The following SLC2A1 variants were observed in gnomAD, a reference collection of about 807,000 sequenced individuals.
SLC2A1 encodes solute carrier family 2, facilitated glucose transporter member 1.
Under a neutral mutation model 46.6 loss-of-function variants are expected in SLC2A1, and 4 were observed. That is an observed-to-expected ratio of 0.09 (90% CI 0.04 to 0.20). The LOEUF (loss-of-function observed/expected upper bound fraction) is 0.20. SLC2A1 is among the 10% of genes least tolerant of loss of function. The pLI, the probability that SLC2A1 is intolerant of heterozygous loss-of-function variation, is 1.00. For synonymous variants in SLC2A1, 253 were observed against 270.0 expected, an observed-to-expected ratio of 0.94 and a Z score of 0.62; for missense variants, 352 against 667.0, an observed-to-expected ratio of 0.53 and a Z score of 5.20.
In SLC2A1 at chr1:42,931,128, A is replaced by AGAGCGTGGT; in HGVS notation, c.184_192dup (p.Thr62_Leu64dup). 6.2e-7 allele frequency: 1 copy of AGAGCGTGGT among 1,614,212 alleles called. No homozygotes were observed. The highest frequency in any genetic ancestry group is 1.1e-5 in the South Asian group (1 of 91,088). Reference sequence around the variant, plus strand: ...GAAAAGATGGCCACTGAGAGGGACCAGAGCGTGGTGAGCGTGGTGGGCAGG... The same window carrying AGAGCGTGGT: ...GAAAAGATGGCCACTGAGAGGGACCAGAGCGTGGTGAGCGTGGTGAGCGTGGTGGGCAGG... On this transcript the variant is annotated inframe_insertion, in exon 3 of 10. Transcript: ENST00000426263.
At chr1:42,928,508 T>TA (rs2124447514) in intron 8 of SLC2A1, among the ~76,000 whole-genome samples, 1 of 152,134 alleles carries the variant, frequency 6.6e-6, no homozygotes, top group South Asian at 2.1e-4. Flanking sequence ...TCCTCCCCCA[T>TA]AAAATGGGAA....
In SLC2A1 at chr1:42,934,738, G is replaced by A. The variant is rs886496346; in HGVS notation, c.115-3532C>T. ...TCATGTGTGAGGTGAGACCTGGCAC[G>A]TGCCTGTTCTGAACGCTCCCACCTC... is the stretch of plus-strand genomic sequence containing the variant. On this transcript the variant is annotated intron_variant, in intron 2 of 9. Coordinates refer to ENST00000426263, the MANE Select transcript of SLC2A1 (RefSeq NM_006516.4). 6.6e-5 allele frequency among the ~76,000 whole-genome samples: 10 copies of A among 152,228 alleles called. No homozygotes were observed. The East Asian group carries it at 1.4e-3, about 21-fold the overall frequency.
chr1:42,930,939 C>T lies in SLC2A1; in HGVS notation c.276-73G>A. On this transcript the variant is annotated intron_variant, in intron 3 of 9. Coordinates refer to ENST00000426263, the MANE Select transcript of SLC2A1 (RefSeq NM_006516.4). This position sits in a 1 kb window ranked among gnomAD's most constrained non-coding sequence, Gnocchi z 6.2. ...CCGAGGGGCTGGGTCAGAGGTAATACCCTGGAACAGGCAGATAAGTCTCCC... is the reference window on the plus strand; with the variant it reads ...CCGAGGGGCTGGGTCAGAGGTAATATCCTGGAACAGGCAGATAAGTCTCCC... 6.2e-7 allele frequency: 1 copy of T among 1,606,388 alleles called. No individual in the cohort carries two copies. Among genetic ancestry groups the T allele is most frequent in the Non-Finnish European group, 8.5e-7 (1 of 1,178,824 alleles).
intron 1 of SLC2A1, among the ~76,000 whole-genome samples, chr1:42,953,023 C>A (rs1428716815): frequency 6.6e-6 from 1 of 152,236 alleles, no homozygotes; most frequent in Non-Finnish European, 1.5e-5. Context: ...AGAAGTGTGG[C>A]TGGCCTAAGG....
chr1:42,929,105 C>A lies in SLC2A1; in HGVS notation c.973-72G>T. ...TGAACCCACCCACCCAGAGGCCTTG[C>A]CTCAAGAGCTGAGAAAGTCACAGGG... On this transcript the variant is annotated intron_variant, in intron 7 of 9. Transcript: ENST00000426263. The surrounding 1 kb of genome is among the most constrained non-coding windows in gnomAD (Gnocchi z 6.0). 4 of 1,567,674 alleles carry A rather than the reference C, an allele frequency of 2.6e-6. No individual in the cohort carries two copies. Among genetic ancestry groups the A allele is most frequent in the Non-Finnish European group, 3.5e-6 (4 of 1,138,764 alleles).
chr1:42,936,125 C>A (rs1643540094), intron 2 of SLC2A1, among the ~76,000 whole-genome samples: 2 of 152,132 alleles, frequency 1.3e-5, no homozygotes, highest in South Asian at 4.1e-4. Context: ...TCTAGACATT[C>A]CTTTACCCCA....
At chr1:42,934,268 C>G (rs1643520755) in intron 2 of SLC2A1, among the ~76,000 whole-genome samples, 3 of 152,146 alleles carry the variant, frequency 2.0e-5, no homozygotes, top group Non-Finnish European at 4.4e-5. Context: ...TGCCTAGCTG[C>G]TCTGTTACTC....
intron 2 of SLC2A1, among the ~76,000 whole-genome samples, chr1:42,936,670 G>A (rs936584540): frequency 2.6e-5 from 4 of 152,234 alleles, no homozygotes; most frequent in African/African-American, 4.8e-5. Context: ...CAGGCCTCCC[G>A]GTAGACAGAG....
chr1:42,941,707 G>A (rs935547105), intron 2 of SLC2A1, among the ~76,000 whole-genome samples: 10 of 152,214 alleles, frequency 6.6e-5, no homozygotes, highest in African/African-American at 2.4e-4. Context: ...GTGCAACCAA[G>A]TGGAGAGCTC....
chr1:42,944,492 T>C (rs781352776), intron 1 of SLC2A1, among the ~76,000 whole-genome samples: 14 of 152,204 alleles, frequency 9.2e-5, no homozygotes, highest in Admixed American at 2.0e-4. Flanking sequence ...GAGCTGGCCA[T>C]GGCCTGGCTG....
At chr1:42,946,863 C>T (rs1369943657) in intron 1 of SLC2A1, among the ~76,000 whole-genome samples, 1 of 152,158 alleles carries the variant, frequency 6.6e-6, no homozygotes, top group Non-Finnish European at 1.5e-5. Context: ...GGAAGCAGAC[C>T]CACGTTTAAA....
At chr1:42,948,618 C>T (rs1198281784) in intron 1 of SLC2A1, among the ~76,000 whole-genome samples, 1 of 152,166 alleles carries the variant, frequency 6.6e-6, no homozygotes, top group African/African-American at 2.4e-5. Context: ...TTTAAATGAA[C>T]TTCTGGGCAT....
rs1020848521 is a variant in SLC2A1 at position 42,926,173 on chromosome 1, T to C, written c.*868A>G. The C allele has an allele frequency of 6.6e-6, 1 of 152,670 alleles. No homozygotes were observed. The highest frequency in any genetic ancestry group is 1.5e-5 in the Non-Finnish European group (1 of 68,066). 9.5% of individuals were successfully genotyped at this position (152,670 alleles called of 1,614,324 possible). A position where few individuals can be genotyped will look rare whatever the true frequency, so the allele number is the denominator to read the frequency against. ...AAACCATGTTTCTAAAAACCAGCCA[T>C]TTATATCTGTTTAGGTAAGTAACAG... On this transcript the variant is annotated 3_prime_UTR_variant, in exon 10 of 10. Transcript: ENST00000426263.
chr1:42,932,396 G>A (rs2124452161), intron 2 of SLC2A1, among the ~76,000 whole-genome samples: 2 of 152,094 alleles, frequency 1.3e-5, no homozygotes, highest in East Asian at 3.9e-4. Flanking sequence ...ATAGCAGAGT[G>A]CAGGCCCTAG....
At chr1:42,932,225 G>A (rs964480730) in intron 2 of SLC2A1, among the ~76,000 whole-genome samples, 2 of 152,136 alleles carry the variant, frequency 1.3e-5, no homozygotes, top group African/African-American at 4.8e-5. Flanking sequence ...AGCAGTTCCA[G>A]GAACTGGAAA....
chr1:42,941,194 T>G (rs1643594337), intron 2 of SLC2A1, among the ~76,000 whole-genome samples: 1 of 152,208 alleles, frequency 6.6e-6, no homozygotes, highest in Admixed American at 6.5e-5. Context: ...AATGCAAGTC[T>G]GATCACGTCT....
In SLC2A1 at chr1:42,926,709, C is replaced by T; in HGVS notation, c.*332G>A. On this transcript the variant is annotated 3_prime_UTR_variant, in exon 10 of 10. Transcript: ENST00000426263. ...GGCAAGTGTCTCGACAGGGCTTAGT[C>T]TCCACCCTCAGGCATGGAACCATTC... is the stretch of plus-strand genomic sequence containing the variant. 7.4e-7 allele frequency: 1 copy of T among 1,358,556 alleles called. No individual in the cohort carries two copies. Among genetic ancestry groups the T allele is most frequent in the Non-Finnish European group, 9.7e-7 (1 of 1,034,666 alleles). The allele number at this position is 1,358,556 out of a possible 1,614,324, so 84.2% of individuals were successfully genotyped here.
intron 1 of SLC2A1, among the ~76,000 whole-genome samples, chr1:42,945,916 A>G (rs1643650737): frequency 1.3e-5 from 2 of 152,198 alleles, no homozygotes; most frequent in South Asian, 4.1e-4. Flanking sequence ...AATAATTTTT[A>G]CAAGCCCTGT....
chr1:42,941,921 G>T (rs896873727), intron 2 of SLC2A1, among the ~76,000 whole-genome samples: 1 of 152,262 alleles, frequency 6.6e-6, no homozygotes, highest in African/African-American at 2.4e-5. Flanking sequence ...CCCTGCAGCT[G>T]AGCATGACTC....
Sources: gnomAD v4.1 joint callset for allele counts (sites outside exome capture counted in the v4.1 genomes callset) on GRCh38, gnomAD v4.1.1 for gene constraint, Gnocchi (gnomAD v3.1) non-coding constraint, MANE v1.5 for transcripts, NCBI Gene and HGNC (gene_info 2026-07-23, HGNC 2026-07-21) for gene names.